The following ATXN1L variants were observed in gnomAD, a reference collection of about 807,000 sequenced individuals.
ATXN1L encodes ataxin-1-like.
ATXN1L carries 8 observed loss-of-function variants against 43.4 expected under a neutral mutation model. That is an observed-to-expected ratio of 0.18 (90% CI 0.11 to 0.33). The LOEUF (loss-of-function observed/expected upper bound fraction) is 0.33, where lower values mean the gene tolerates loss of function less well. Ranked by LOEUF, ATXN1L falls within the 10% of genes least tolerant of loss-of-function variation. The pLI, the probability that ATXN1L is intolerant of heterozygous loss-of-function variation, is 1.00. For missense variants in ATXN1L, 856 were observed against 885.4 expected (o/e 0.97, Z 0.42); for synonymous variants, 379 against 360.6 (o/e 1.05, Z -0.58).
chr16:71,850,142 C>T lies in ATXN1L; in HGVS notation c.402C>T (p.Ser134=), dbSNP rs1239130963. 6.4e-6 allele frequency: 10 copies of T among 1,551,648 alleles called. No homozygotes were observed. Among genetic ancestry groups the T allele is most frequent in the African/African-American group, 5.5e-5 (4 of 73,040 alleles). ...YPPLHYAQLP[S]TSLQFIGSPY... ...CACTCCACTATGCTCAGCTCCCATCCACCTCGCTGCAGTTCATTGGGTCTC... is the reference window on the plus strand; with the variant it reads ...CACTCCACTATGCTCAGCTCCCATCTACCTCGCTGCAGTTCATTGGGTCTC... The change falls in exon 3 of 3, where the codon TCC becomes TCT. Residue 134 remains serine, a synonymous_variant. Coordinates refer to ENST00000427980, the MANE Select transcript of ATXN1L (RefSeq NM_001137675.4).
rs572252859 is a variant in ATXN1L, at chr16:71,851,267, G to A, written c.1527G>A (p.Thr509=). Residue 509 remains threonine, a synonymous_variant, in exon 3 of 3, where the codon ACG becomes ACA. Coordinates refer to ENST00000427980, the MANE Select transcript of ATXN1L (RefSeq NM_001137675.4). This position sits in a 1 kb window ranked among gnomAD's most constrained non-coding sequence, Gnocchi z 4.9. ...VSGGLKIDSS[T]VVDIQESQWP... ...GGGGGCTGAAGATTGACTCTAGCAC[G>A]GTCGTGGACATTCAGGAGAGCCAAT... 19 of 1,551,666 alleles carry A rather than the reference G, an allele frequency of 1.2e-5. No individual in the cohort carries two copies. The highest frequency in any genetic ancestry group is 1.7e-4 in the Middle Eastern group (1 of 5,992).
intron 1 of ATXN1L, among the ~76,000 whole-genome samples, chr16:71,846,938 C>T (rs959632057): frequency 1.3e-5 from 2 of 152,014 alleles, no homozygotes; most frequent in Non-Finnish European, 2.9e-5. Context: ...AGTGTGACCC[C>T]AGTTTCTGTT....
Position 71,856,042 on chromosome 16 carries a change from C to G in ATXN1L, c.*4232C>G, listed in dbSNP as rs868569233. ...TAGGATCCATCTTTGGACCAGAAGC[C>G]TGGTCTGTGCCTAGGATGACACTGG... On this transcript the variant is annotated 3_prime_UTR_variant, in exon 3 of 3. Transcript: ENST00000427980. The G allele has an allele frequency of 1.4e-4, 24 of 167,048 alleles. No individual in the cohort carries two copies. The highest frequency in any genetic ancestry group is 5.5e-4 in the African/African-American group (23 of 41,452). 10.3% of individuals were successfully genotyped at this position (167,048 alleles called of 1,614,324 possible).
At position 71,851,249 on chromosome 16, in the gene ATXN1L, G is replaced by A. The variant is rs1277499113; in HGVS notation, c.1509G>A (p.Leu503=). The A allele has an allele frequency of 6.4e-7, 1 of 1,551,584 alleles. No homozygotes were observed. Among genetic ancestry groups the A allele is most frequent in the Non-Finnish European group, 8.7e-7 (1 of 1,147,010 alleles). The change falls in exon 3 of 3, where the codon CTG becomes CTA. Residue 503 remains leucine, a synonymous_variant. Coordinates refer to ENST00000427980, the MANE Select transcript of ATXN1L (RefSeq NM_001137675.4). This position sits in a 1 kb window ranked among gnomAD's most constrained non-coding sequence, Gnocchi z 4.9. ...GCAGTGCCGAAGTGAGCGGGGGGCT[G>A]AAGATTGACTCTAGCACGGTCGTGG... ...FVRSAEVSGG[L]KIDSSTVVDI...
Position 71,852,056 on chromosome 16 carries a change from G to T in ATXN1L, c.*246G>T. On this transcript the variant is annotated 3_prime_UTR_variant, in exon 3 of 3. Transcript: ENST00000427980. ...AGCAGGCCTGGGGCAAGGAAGGAAG[G>T]GGGTGCACACAGGAGAAGAAACATT... is the stretch of plus-strand genomic sequence containing the variant. 1 of 369,062 alleles carries T rather than the reference G, an allele frequency of 2.7e-6. No individual in the cohort carries two copies. The allele number at this position is 369,062 out of a possible 1,614,324, so 22.9% of individuals were successfully genotyped here.
In ATXN1L at chr16:71,857,023, T is replaced by A. The variant is rs557068933; in HGVS notation, c.*5213T>A. The A allele has an allele frequency of 6.0e-6, 1 of 167,134 alleles. No individual in the cohort carries two copies. The highest frequency in any genetic ancestry group is 6.5e-5 in the Admixed American group (1 of 15,288). The allele number at this position is 167,134 out of a possible 1,614,324, so 10.4% of individuals were successfully genotyped here. Reference sequence around the variant, plus strand: ...AGGTGCTCCCTCCACCCAATACCATTTCTTACCCTCTAATCCTACCTGATC... The same window carrying A: ...AGGTGCTCCCTCCACCCAATACCATATCTTACCCTCTAATCCTACCTGATC... On this transcript the variant is annotated 3_prime_UTR_variant, in exon 3 of 3. Coordinates refer to ENST00000427980, the MANE Select transcript of ATXN1L (RefSeq NM_001137675.4).
At chr16:71,846,351 G>C (rs1229365534) in intron 1 of ATXN1L, among the ~76,000 whole-genome samples, 1 of 152,250 alleles carries the variant, frequency 6.6e-6, no homozygotes, top group African/African-American at 2.4e-5. Context: ...TCTGTGGGGC[G>C]GGAAGGGCCC....
chr16:71,849,831 A>T lies in ATXN1L; in HGVS notation c.91A>T (p.Ser31Cys). 1.3e-6 allele frequency: 2 copies of T among 1,551,270 alleles called. No homozygotes were observed. The highest frequency in any genetic ancestry group is 1.7e-6 in the Non-Finnish European group (2 of 1,146,750). Residue 31 changes from serine (S) to cysteine (C), a missense_variant, in exon 3 of 3, where the codon AGC becomes TGC. Coordinates refer to ENST00000427980, the MANE Select transcript of ATXN1L (RefSeq NM_001137675.4). ...CAGCGAGGATATGGGGAGAACTACC[A>T]GCTGCTCCACTAACCACACACCCTC... ...VTSEDMGRTT[S>C]CSTNHTPSSD...
chr16:71,851,474 C>T lies in ATXN1L; in HGVS notation c.1734C>T (p.Ile578=). Residue 578 remains isoleucine, a synonymous_variant, in exon 3 of 3, where the codon ATC becomes ATT. Coordinates refer to ENST00000427980, the MANE Select transcript of ATXN1L (RefSeq NM_001137675.4). The surrounding 1 kb of genome is among the most constrained non-coding windows in gnomAD (Gnocchi z 4.9). Reference sequence around the variant, plus strand: ...GGCTACAGGTGGGAGATGTCTGCATCTCTATCAGTTTACAGAGCTTGAACA... The same window carrying T: ...GGCTACAGGTGGGAGATGTCTGCATTTCTATCAGTTTACAGAGCTTGAACA... ...CHRLQVGDVC[I]SISLQSLNSN... 1 of 1,551,630 alleles carries T rather than the reference C, an allele frequency of 6.4e-7. No individual in the cohort carries two copies. The highest frequency in any genetic ancestry group is 1.2e-5 in the South Asian group (1 of 84,048).
At position 71,853,470 on chromosome 16, in the gene ATXN1L, A is replaced by T. The variant is rs1276262614; in HGVS notation, c.*1660A>T. The T allele has an allele frequency of 6.0e-6, 1 of 166,980 alleles. No individual in the cohort carries two copies. The highest frequency in any genetic ancestry group is 1.5e-5 in the Non-Finnish European group (1 of 68,132). 10.3% of individuals were successfully genotyped at this position (166,980 alleles called of 1,614,324 possible). On this transcript the variant is annotated 3_prime_UTR_variant, in exon 3 of 3. Coordinates refer to ENST00000427980, the MANE Select transcript of ATXN1L (RefSeq NM_001137675.4). The stretch of plus-strand genomic sequence containing the variant: ...CTGGTTAGACTTCTCCCAGGCTATG[A>T]TCCTGGCATGTCCTTTATAAGGTAT...
In ATXN1L at chr16:71,850,521, T is replaced by G. The variant is rs1181215806; in HGVS notation, c.781T>G (p.Ser261Ala). 2.6e-6 allele frequency: 4 copies of G among 1,551,588 alleles called. No homozygotes were observed. Among genetic ancestry groups the G allele is most frequent in the Non-Finnish European group, 3.5e-6 (4 of 1,146,994 alleles). Residue 261 changes from serine to alanine, a missense_variant, in exon 3 of 3, where the codon TCT becomes GCT. Coordinates refer to ENST00000427980, the MANE Select transcript of ATXN1L (RefSeq NM_001137675.4). ...SPVLTPQESQSALEAAAANGG... is the reference protein window; with the variant it reads ...SPVLTPQESQAALEAAAANGG... ...AGTTCTTACCCCTCAGGAGAGCCAGTCTGCTCTGGAAGCAGCTGCTGCAAA... is the reference window on the plus strand; with the variant it reads ...AGTTCTTACCCCTCAGGAGAGCCAGGCTGCTCTGGAAGCAGCTGCTGCAAA...
rs3751818 is a variant in ATXN1L, at chr16:71,855,526, C to T, written c.*3716C>T. On this transcript the variant is annotated 3_prime_UTR_variant, in exon 3 of 3. Coordinates refer to ENST00000427980, the MANE Select transcript of ATXN1L (RefSeq NM_001137675.4). ...AAGTGGGGTTTAGTTTTATTTTTAC[C>T]TGCGGGCATCATGGGCGATTTAGGG... 429 of 167,112 alleles carry T rather than the reference C, an allele frequency of 2.6e-3. 9 individuals are homozygous for T. The East Asian group carries it at 0.047, about 18-fold the overall frequency. The allele number at this position is 167,112 out of a possible 1,614,324, so 10.4% of individuals were successfully genotyped here. A position where few individuals can be genotyped will look rare whatever the true frequency, so the allele number is the denominator to read the frequency against.
intron 2 of ATXN1L, among the ~76,000 whole-genome samples, chr16:71,849,320 G>A (rs546832077): frequency 2.7e-5 from 4 of 150,010 alleles, no homozygotes; most frequent in Admixed American, 1.3e-4. Context: ...AGGTGCTTAT[G>A]AGACACATGA....
In ATXN1L at chr16:71,851,024, C is replaced by A. The variant is rs937572104; in HGVS notation, c.1284C>A (p.Gly428=). The change falls in exon 3 of 3, where the codon GGC becomes GGA. Residue 428 remains glycine (G), a synonymous_variant. Coordinates refer to ENST00000427980, the MANE Select transcript of ATXN1L (RefSeq NM_001137675.4). This position sits in a 1 kb window ranked among gnomAD's most constrained non-coding sequence, Gnocchi z 4.9. ...GNLVPTGTDS[G]LLPVGSEILV... ...TGGTGCCCACTGGAACTGACTCAGG[C>A]CTGCTGCCTGTGGGCTCGGAGATCC... 1.3e-6 allele frequency: 2 copies of A among 1,551,602 alleles called. No homozygotes were observed. The highest frequency in any genetic ancestry group is 2.7e-5 in the African/African-American group (2 of 73,050).
chr16:71,856,115 A>G lies in ATXN1L; in HGVS notation c.*4305A>G, dbSNP rs932799766. On this transcript the variant is annotated 3_prime_UTR_variant, in exon 3 of 3. Transcript: ENST00000427980. The stretch of plus-strand genomic sequence containing the variant: ...TGCACTCTCTCCTTAGCTGCAGACC[A>G]TGCACAGTGCCTGGGGCGGAAGGAG... 2 of 167,128 alleles carry G rather than the reference A, an allele frequency of 1.2e-5. No homozygotes were observed. The highest frequency in any genetic ancestry group is 4.8e-5 in the African/African-American group (2 of 41,466). The allele number at this position is 167,128 out of a possible 1,614,324, so 10.4% of individuals were successfully genotyped here.
chr16:71,851,705 A>G lies in ATXN1L; in HGVS notation c.1965A>G (p.Arg655=). 6.7e-7 allele frequency: 1 copy of G among 1,485,448 alleles called. No homozygotes were observed. 92.0% of individuals were successfully genotyped at this position (1,485,448 alleles called of 1,614,324 possible). A position where few individuals can be genotyped will look rare whatever the true frequency, so the allele number is the denominator to read the frequency against. Residue 655 remains arginine (R), a synonymous_variant, in exon 3 of 3, where the codon AGA becomes AGG. Transcript: ENST00000427980. This position sits in a 1 kb window ranked among gnomAD's most constrained non-coding sequence, Gnocchi z 4.9. The part of the protein sequence containing the change: ...QACWPAPSFQ[R]YSMQGEEARA... ...GCTGGCCAGCCCCGAGCTTCCAAAG[A>G]TACAGCATGCAAGGGGAGGAGGCAC...
Position 71,850,606 on chromosome 16 carries a change from C to A in ATXN1L, c.866C>A (p.Ser289Tyr), listed in dbSNP as rs913333887. The change falls in exon 3 of 3, where the codon TCC (serine) becomes TAC (tyrosine). Residue 289 changes from serine to tyrosine, a missense_variant. Ser to Tyr is a moderately radical substitution (Grantham distance 144). Transcript: ENST00000427980. Reference sequence around the variant, plus strand: ...AGACGGGAAAGTGAAGCCCTTGACTCCCCCAACAGCAAGGGTGAAGGCCAG... The same window carrying A: ...AGACGGGAAAGTGAAGCCCTTGACTACCCCAACAGCAAGGGTGAAGGCCAG... ...LVRRESEALD[S>Y]PNSKGEGQGL... 8.4e-6 allele frequency: 13 copies of A among 1,551,594 alleles called. No homozygotes were observed. The highest frequency in any genetic ancestry group is 2.4e-5 in the East Asian group (1 of 40,922).
At position 71,851,097 on chromosome 16, in the gene ATXN1L, A is replaced by G. The variant is rs1404832477; in HGVS notation, c.1357A>G (p.Lys453Glu). 11 of 1,551,430 alleles carry G rather than the reference A, an allele frequency of 7.1e-6. No individual in the cohort carries two copies. Among genetic ancestry groups the G allele is most frequent in the African/African-American group, 4.1e-5 (3 of 73,008 alleles). ...GCAGGCCAGAGCCACCTTCCCAGAC[A>G]AGGAGCCAACGCCGCCCCCCATTAC... ...DVQARATFPDKEPTPPPITSS... is the reference protein window; with the variant it reads ...DVQARATFPDEEPTPPPITSS... Residue 453 changes from lysine (K) to glutamate (E), a missense_variant, in exon 3 of 3, where the codon AAG (lysine) becomes GAG (glutamate). Around this residue, in one of 7 missense-constraint regions of ATXN1L, gnomAD observed 490 missense variants for 449.4 expected, o/e 1.09. Transcript: ENST00000427980. This position sits in a 1 kb window ranked among gnomAD's most constrained non-coding sequence, Gnocchi z 4.9.
chr16:71,850,972 A>G lies in ATXN1L; in HGVS notation c.1232A>G (p.Lys411Arg), dbSNP rs2033495499. The change falls in exon 3 of 3, where the codon AAA (lysine) becomes AGA (arginine). Residue 411 changes from lysine (K) to arginine (R), a missense_variant. Physicochemically the swap from Lys to Arg is conservative, Grantham distance 26. This residue lies in a region of ATXN1L where 490 missense variants were observed against 449.4 expected (regional missense o/e 1.09). Transcript: ENST00000427980. ...QEPVKHRPLP[K>R]AMVVANGNLV... is the part of the protein sequence containing the mutation. ...CCAGTAAAACATAGACCTTTACCCAAAGCAATGGTTGTAGCCAATGGCAAC... is the reference window on the plus strand; with the variant it reads ...CCAGTAAAACATAGACCTTTACCCAGAGCAATGGTTGTAGCCAATGGCAAC... 6.4e-7 allele frequency: 1 copy of G among 1,551,646 alleles called. No individual in the cohort carries two copies. Among genetic ancestry groups the G allele is most frequent in the Non-Finnish European group, 8.7e-7 (1 of 1,146,986 alleles).
Sources: gnomAD v4.1 joint callset for allele counts (sites outside exome capture counted in the v4.1 genomes callset) on GRCh38, gnomAD v4.1.1 for gene constraint, gnomAD v4.1.1 regional missense constraint, Gnocchi (gnomAD v3.1) non-coding constraint, MANE v1.5 for transcripts, NCBI Gene and HGNC (gene_info 2026-07-23, HGNC 2026-07-21) for gene names.